Variants in CASKIN2 observed in about 807,000 individuals in gnomAD.
The protein encoded by CASKIN2 is CASK interacting protein 2.
Under a neutral mutation model 107.1 loss-of-function variants are expected in CASKIN2, and 41 were observed. That is an observed-to-expected ratio of 0.38 (90% CI 0.30 to 0.50). The LOEUF is 0.50. CASKIN2 is among the 20% of genes least tolerant of loss of function. The pLI is 0.92. For synonymous variants in CASKIN2, 724 were observed against 705.6 expected (o/e 1.03, Z -0.41); for missense variants, 1,546 against 1,657.4 (o/e 0.93, Z 1.17).
rs1369798542 is a variant in CASKIN2 at position 75,503,337 on chromosome 17, G to C, written c.1819+52C>G. On this transcript the variant is annotated intron_variant, in intron 17 of 19. Transcript: ENST00000321617. The stretch of plus-strand genomic sequence containing the variant: ...GCTGGGCCCCATACTGTCTTCTCTT[G>C]GAGACCCCGGAGGCAGGTGGGGGCC... 13 of 1,587,436 alleles carry C rather than the reference G, an allele frequency of 8.2e-6. No homozygotes were observed. The Admixed American group carries it at 2.2e-4, about 27-fold the overall frequency.
chr17:75,511,324 G>A (rs991509010), intron 2 of CASKIN2, among the ~76,000 whole-genome samples: 15 of 152,030 alleles, frequency 9.9e-5, no homozygotes, highest in African/African-American at 3.6e-4. Context: ...GCCTCCCAAA[G>A]TGAGACCCTA....
At chr17:75,509,770 A>C in intron 2 of CASKIN2, 1 of 985,574 alleles carries the variant, frequency 1.0e-6, no homozygotes, top group Non-Finnish European at 1.2e-6. Context: ...GGGAAGAGAC[A>C]CAGAGCACCC....
rs747762468 is a variant in CASKIN2 at position 75,504,623 on chromosome 17, G to A, written c.1263C>T (p.Ser421=). 17 of 1,609,034 alleles carry A rather than the reference G, an allele frequency of 1.1e-5. No homozygotes were observed. Among genetic ancestry groups the A allele is most frequent in the Non-Finnish European group, 1.4e-5 (17 of 1,177,254 alleles). ...GSIRSAGSGQ[S]SEGTNGHGPG... is the part of the protein sequence containing the mutation. ...GGCCATGGCCATTAGTGCCCTCAGA[G>A]CTCTGCCCGCTGCCGGCACTGCGGA... The change falls in exon 12 of 20, where the codon AGC becomes AGT. Residue 421 remains serine, a synonymous_variant. Transcript: ENST00000321617.
intron 3 of CASKIN2, 94 bp from the exon 4 acceptor site, chr17:75,507,775 C>A: frequency 2.1e-6 from 2 of 966,426 alleles, no homozygotes; most frequent in Admixed American, 2.1e-5. Context: ...TGGGGGCTGG[C>A]AGGGATGGGT....
At position 75,506,459 on chromosome 17, in the gene CASKIN2, G is replaced by T; in HGVS notation, c.618-46C>A. On this transcript the variant is annotated intron_variant, in intron 7 of 19. Coordinates refer to ENST00000321617, the MANE Select transcript of CASKIN2 (RefSeq NM_020753.5). The surrounding 1 kb of genome is among the most constrained non-coding windows in gnomAD (Gnocchi z 4.8). ...CACGGGGGAGGTGGCGTAGGAGGGG[G>T]TGCTGACTGCTGGGGGCCTGGGAGA... The T allele has an allele frequency of 6.4e-7, 1 of 1,570,932 alleles. No homozygotes were observed.
In CASKIN2 at chr17:75,502,409, G is replaced by A. The variant is rs751522866; in HGVS notation, c.2665C>T (p.Leu889=). Residue 889 remains leucine (L), a synonymous_variant, in exon 18 of 20, where the codon CTA becomes TTA. Coordinates refer to ENST00000321617, the MANE Select transcript of CASKIN2 (RefSeq NM_020753.5). The surrounding 1 kb of genome is among the most constrained non-coding windows in gnomAD (Gnocchi z 4.3). ...VSGPSPEPPP[L]DESPGPKEGA... ...TCCTTGGGCCCTGGGCTCTCATCTA[G>A]TGGAGGTGGCTCCGGGCTGGGGCCA... is the stretch of plus-strand genomic sequence containing the variant. 3 of 1,468,144 alleles carry A rather than the reference G, an allele frequency of 2.0e-6. No individual in the cohort carries two copies. The highest frequency in any genetic ancestry group is 4.8e-5 in the East Asian group (2 of 41,326). The allele number at this position is 1,468,144 out of a possible 1,614,324, so 90.9% of individuals were successfully genotyped here.
At chr17:75,510,450 G>A (rs540256018) in intron 2 of CASKIN2, among the ~76,000 whole-genome samples, 41 of 152,264 alleles carry the variant, frequency 2.7e-4, no homozygotes, top group African/African-American at 9.4e-4. Flanking sequence ...GCCTTCTTAC[G>A]ATATGGAGCA....
chr17:75,509,603 C>G (rs985581486), intron 2 of CASKIN2: 32 of 985,546 alleles, frequency 3.2e-5, no homozygotes, highest in Non-Finnish European at 3.7e-5. Flanking sequence ...TCCTCCAGTC[C>G]CCTTGGAAAG....
chr17:75,507,383 G>A (rs922115001), intron 4 of CASKIN2, among the ~76,000 whole-genome samples: 3 of 152,304 alleles, frequency 2.0e-5, no homozygotes, highest in South Asian at 4.1e-4. Context: ...CTACTCATCT[G>A]AATAATGGGA....
Position 75,504,818 on chromosome 17 carries a change from T to G in CASKIN2, c.1186A>C (p.Ser396Arg), listed in dbSNP as rs747134390. The G allele has an allele frequency of 6.2e-7, 1 of 1,609,918 alleles. No individual in the cohort carries two copies. The highest frequency in any genetic ancestry group is 8.5e-7 in the Non-Finnish European group (1 of 1,178,776). ...GCCCCCTGGGAGGATGTACCTGGGC[T>G]GTCTGGGCTGAGGCCCACCCGAGGA... ...QLPRVGLSPDSPAGDRNSVGS... is the reference protein window; with the variant it reads ...QLPRVGLSPDRPAGDRNSVGS... The change falls in exon 11 of 20, where the codon AGC (serine) becomes CGC (arginine). Residue 396 changes from serine (S) to arginine (R), a missense_variant. Ser to Arg is a moderately radical substitution (Grantham distance 110, BLOSUM62 -1). This residue lies in a region of CASKIN2 where 1,311 missense variants were observed against 1,311.0 expected (regional missense o/e 1.00). Transcript: ENST00000321617.
In CASKIN2 at chr17:75,512,455, A is replaced by AT. The variant is rs535200851; in HGVS notation, c.94+1255dup. 4.3e-4 allele frequency among the ~76,000 whole-genome samples: 66 copies of AT among 152,190 alleles called. No homozygotes were observed. In the South Asian group the frequency reaches 5.4e-3, roughly 12 times the overall value. On this transcript the variant is annotated intron_variant, in intron 2 of 19. Coordinates refer to ENST00000321617, the MANE Select transcript of CASKIN2 (RefSeq NM_020753.5). ...CTCAGGTGTGGCCGCTTGTGCATGG[A>AT]TCCCCCACAGCCCGGTCAGGTCTCG...
intron 2 of CASKIN2, among the ~76,000 whole-genome samples, chr17:75,512,971 G>A (rs956443932): frequency 6.6e-6 from 1 of 151,936 alleles, no homozygotes; most frequent in African/African-American, 2.4e-5. Context: ...GTTGAAATGT[G>A]TGCGTTTGAG....
rs370125250 is a variant in CASKIN2, at chr17:75,507,687, G to A, written c.147-6C>T. 16 of 1,608,248 alleles carry A rather than the reference G, an allele frequency of 9.9e-6. No individual in the cohort carries two copies. In the African/African-American group the frequency reaches 2.1e-4, roughly 21 times the overall value. Reference sequence around the variant, plus strand: ...CGTGGTGGAGGGCAGAGAATCTGATGTGGGAGGACACAAAGTTAGGGGTGT... The same window carrying A: ...CGTGGTGGAGGGCAGAGAATCTGATATGGGAGGACACAAAGTTAGGGGTGT... On this transcript the variant is annotated splice_polypyrimidine_tract_variant and splice_region_variant and intron_variant, in intron 3 of 19. Coordinates refer to ENST00000321617, the MANE Select transcript of CASKIN2 (RefSeq NM_020753.5).
rs1207186334 is a variant in CASKIN2 at position 75,506,234 on chromosome 17, T to C, written c.726+71A>G. On this transcript the variant is annotated intron_variant, in intron 8 of 19. Coordinates refer to ENST00000321617, the MANE Select transcript of CASKIN2 (RefSeq NM_020753.5). The surrounding 1 kb of genome is among the most constrained non-coding windows in gnomAD (Gnocchi z 4.8). ...ACGCTGGAGTCCTCCGTCCCGTACC[T>C]CCCCAGCCAGTCAGGGGCACAGGGC... is the stretch of plus-strand genomic sequence containing the variant. 1 of 1,342,176 alleles carries C rather than the reference T, an allele frequency of 7.5e-7. No homozygotes were observed. 83.1% of individuals were successfully genotyped at this position (1,342,176 alleles called of 1,614,324 possible).
chr17:75,503,359 G>A lies in CASKIN2; in HGVS notation c.1819+30C>T, dbSNP rs200232543. The A allele has an allele frequency of 1.1e-4, 181 of 1,598,490 alleles. No homozygotes were observed. In the African/African-American group the frequency reaches 2.2e-3, roughly 19 times the overall value. On this transcript the variant is annotated intron_variant, in intron 17 of 19. Transcript: ENST00000321617. ...CTTGGAGACCCCGGAGGCAGGTGGG[G>A]GCCCAGCCAGGCCTCAGGACAGTCC...
At chr17:75,507,539 C>T in intron 4 of CASKIN2, 45 bp downstream of exon 4, 1 of 1,469,506 alleles carries the variant, frequency 6.8e-7, no homozygotes, top group Non-Finnish European at 9.5e-7. Context: ...TGGGTAGGGC[C>T]CCTACCTGCC....
At position 75,506,289 on chromosome 17, in the gene CASKIN2, A is replaced by C. The variant is rs914759982; in HGVS notation, c.726+16T>G. The C allele has an allele frequency of 1.0e-5, 16 of 1,593,180 alleles. No individual in the cohort carries two copies. The highest frequency in any genetic ancestry group is 1.3e-5 in the Non-Finnish European group (15 of 1,164,586). On this transcript the variant is annotated intron_variant, in intron 8 of 19. Transcript: ENST00000321617. This position sits in a 1 kb window ranked among gnomAD's most constrained non-coding sequence, Gnocchi z 4.8. ...GCTCCATGGACACCTGCGAGGGAGC[A>C]GGGGCCCATACCCACCTCCAGAAGC...
chr17:75,514,044 G>A lies in CASKIN2; in HGVS notation c.-240C>T. The stretch of plus-strand genomic sequence containing the variant: ...ATCTTTGAGGGGGTGAAGGCTACAT[G>A]GAAATCTGGATGGATATCAGCTTGT... On this transcript the variant is annotated 5_prime_UTR_variant, in exon 2 of 20. Transcript: ENST00000321617. 1 of 583,778 alleles carries A rather than the reference G, an allele frequency of 1.7e-6. No individual in the cohort carries two copies. The highest frequency in any genetic ancestry group is 2.2e-5 in the South Asian group (1 of 46,140). 36.2% of individuals were successfully genotyped at this position (583,778 alleles called of 1,614,324 possible).
At chr17:75,501,221 C>A in intron 19 of CASKIN2, 51 bp from the exon 20 acceptor site, 1 of 1,493,178 alleles carries the variant, frequency 6.7e-7, no homozygotes, top group Non-Finnish European at 9.1e-7. Context: ...CTGCACCCCA[C>A]TGGCCCTGGG....
Sources: allele counts gnomAD v4.1 joint callset (sites outside exome capture counted in the v4.1 genomes callset), GRCh38; gene constraint gnomAD v4.1.1; regional missense constraint gnomAD v4.1.1; non-coding constraint Gnocchi (gnomAD v3.1); transcripts MANE v1.5; gene names NCBI Gene and HGNC (gene_info 2026-07-23, HGNC 2026-07-21).